Variants in TMEM232 observed in about 807,000 individuals in gnomAD.
TMEM232 encodes the protein transmembrane protein 232.
TMEM232 carries 80 observed loss-of-function variants against 78.8 expected under a neutral mutation model. That is an observed-to-expected ratio of 1.01 (90% CI 0.85 to 1.22). TMEM232 has a LOEUF of 1.22. Ranked by LOEUF, TMEM232 falls within the 50% of genes most tolerant of loss-of-function variation. TMEM232 has a pLI of 0.00. For synonymous variants in TMEM232, 297 were observed against 254.3 expected (o/e 1.17, Z -1.60); for missense variants, 881 against 742.2 (o/e 1.19, Z -2.17).
chr5:110,702,814 A>G (rs1795563310), intron 1 of TMEM232, among the ~76,000 whole-genome samples: 1 of 152,048 alleles, frequency 6.6e-6, no homozygotes, highest in South Asian at 2.1e-4. Context: ...AAAAATCAAC[A>G]TAGTTAGCTT....
intron 2 of TMEM232, among the ~76,000 whole-genome samples, chr5:110,654,461 G>A (rs1252256623): frequency 6.6e-6 from 1 of 152,148 alleles, no homozygotes; most frequent in Non-Finnish European, 1.5e-5. Context: ...GATAGTTGTA[G>A]ATATGTGGTG....
chr5:110,406,255 C>G (rs1755784249), intron 2 of TMEM232, among the ~76,000 whole-genome samples: 1 of 93,442 alleles, frequency 1.1e-5, no homozygotes, highest in African/African-American at 4.6e-5. Context: ...ACCTATGACA[C>G]AGATATATAT....
intron 12 of TMEM232, among the ~76,000 whole-genome samples, chr5:110,481,341 T>C (rs373569209): frequency 6.6e-6 from 1 of 152,152 alleles, no homozygotes; most frequent in African/African-American, 2.4e-5. Flanking sequence ...GCAAATCAAA[T>C]ATCCATTCCT....
At chr5:110,687,786 C>T (rs905419887) in intron 1 of TMEM232, among the ~76,000 whole-genome samples, 2 of 151,894 alleles carry the variant, frequency 1.3e-5, no homozygotes, top group African/African-American at 4.8e-5. Context: ...ATTATAAATC[C>T]TAATTGCAAA....
chr5:110,437,431 G>C lies in TMEM232; in HGVS notation c.1704-12515C>G, dbSNP rs116485051. On this transcript the variant is annotated intron_variant, in intron 12 of 13. Transcript: ENST00000455884. ...TATTTATGAAAGGCTATAAAGAAAA[G>C]CAACAAAATGAATTAAACATTTCAA... Among the ~76,000 whole-genome samples, 1,246 of 151,966 alleles carry C rather than the reference G, an allele frequency of 8.2e-3. 19 individuals carry two copies. The highest frequency in any genetic ancestry group is 0.028 in the African/African-American group (1,180 of 41,504).
chr5:110,451,125 GACTT>G (rs1461762976), intron 12 of TMEM232, among the ~76,000 whole-genome samples: 1 of 152,084 alleles, frequency 6.6e-6, no homozygotes, highest in Non-Finnish European at 1.5e-5. Flanking sequence ...GCTAGTTTAG[GACTT>G]ACTTGTTTCT....
At chr5:110,475,904 T>C (rs1283730426) in intron 12 of TMEM232, among the ~76,000 whole-genome samples, 1 of 151,982 alleles carries the variant, frequency 6.6e-6, no homozygotes, top group East Asian at 1.9e-4. Flanking sequence ...AATTTCATAG[T>C]TCACAGACAT....
chr5:110,457,021 A>G (rs983491584), intron 12 of TMEM232, among the ~76,000 whole-genome samples: 8 of 152,130 alleles, frequency 5.3e-5, no homozygotes, highest in Non-Finnish European at 1.2e-4. Context: ...AAATTAATAA[A>G]TTGGACTTCA....
chr5:110,645,236 T>C (rs528697809), intron 2 of TMEM232, among the ~76,000 whole-genome samples: 3 of 151,700 alleles, frequency 2.0e-5, no homozygotes, highest in Non-Finnish European at 4.4e-5. Context: ...GAGGCCAGCA[T>C]CAACTTGATA....
At position 110,438,082 on chromosome 5, in the gene TMEM232, G is replaced by C. The variant is rs1000095581; in HGVS notation, c.1704-13166C>G. Among the ~76,000 whole-genome samples, 9 of 152,190 alleles carry C rather than the reference G, an allele frequency of 5.9e-5. No individual in the cohort carries two copies. The East Asian group carries it at 1.7e-3, about 29-fold the overall frequency. On this transcript the variant is annotated intron_variant, in intron 12 of 13. Coordinates refer to ENST00000455884, the MANE Select transcript of TMEM232 (RefSeq NM_001039763.4). ...GCTTTCTAACATTTCTTGTATTAAG[G>C]TTTCCGGCCTCACAGGCTGGGGACA...
chr5:110,570,072 T>C (rs1298966672), intron 10 of TMEM232, among the ~76,000 whole-genome samples: 1 of 151,978 alleles, frequency 6.6e-6, no homozygotes, highest in Non-Finnish European at 1.5e-5. Flanking sequence ...GAGGAAGGCA[T>C]ATATCCAGTT....
chr5:110,687,143 G>C (rs1388318249), intron 1 of TMEM232, among the ~76,000 whole-genome samples: 1 of 152,078 alleles, frequency 6.6e-6, no homozygotes, highest in African/African-American at 2.4e-5. Context: ...AAATAACTCA[G>C]GGGAGTTTGA....
chr5:110,528,112 C>T (rs947630500), intron 12 of TMEM232, among the ~76,000 whole-genome samples: 1 of 151,790 alleles, frequency 6.6e-6, no homozygotes, highest in Non-Finnish European at 1.5e-5. Context: ...TAAATTGTTC[C>T]TAAGTCCAAT....
At chr5:110,504,612 G>C (rs916239255) in intron 12 of TMEM232, among the ~76,000 whole-genome samples, 1 of 152,202 alleles carries the variant, frequency 6.6e-6, no homozygotes, top group African/African-American at 2.4e-5. Context: ...ACAGGCTGAA[G>C]ACCCAAGAGT....
intron 1 of TMEM232, among the ~76,000 whole-genome samples, chr5:110,707,860 G>A (rs1329602041): frequency 6.6e-6 from 1 of 152,126 alleles, no homozygotes; most frequent in Non-Finnish European, 1.5e-5. Context: ...GAGTCATGAG[G>A]CTCCTGTTCC....
intron 1 of TMEM232, among the ~76,000 whole-genome samples, chr5:110,697,363 A>C (rs909291036): frequency 6.6e-6 from 1 of 152,222 alleles, no homozygotes; most frequent in Non-Finnish European, 1.5e-5. Context: ...AAACCTAGGC[A>C]ATATCATTCA....
intron 12 of TMEM232, among the ~76,000 whole-genome samples, chr5:110,519,711 A>T (rs1769215328): frequency 6.6e-6 from 1 of 152,150 alleles, no homozygotes; most frequent in African/African-American, 2.4e-5. Flanking sequence ...CAAAATTTGG[A>T]ATCAACCCAA....
At chr5:110,429,382 C>T (rs1757584389) in intron 12 of TMEM232, among the ~76,000 whole-genome samples, 1 of 151,686 alleles carries the variant, frequency 6.6e-6, no homozygotes, top group African/African-American at 2.4e-5. Flanking sequence ...AAGATATTTA[C>T]AAGAAAAGGG....
intron 10 of TMEM232, among the ~76,000 whole-genome samples, chr5:110,587,691 A>ATATATATATATATGTG (rs1209205049): frequency 7.9e-5 from 5 of 63,128 alleles, no homozygotes; most frequent in African/African-American, 2.9e-4. Flanking sequence ...ATATATATAT[A>ATATATATATATATGTG]TGTGTGTGTG....
Sources: allele counts gnomAD v4.1 joint callset (sites outside exome capture counted in the v4.1 genomes callset), GRCh38; gene constraint gnomAD v4.1.1; transcripts MANE v1.5; gene names NCBI Gene and HGNC (gene_info 2026-07-23, HGNC 2026-07-21).